The following DDX52 variants were observed in gnomAD, a reference collection of about 807,000 sequenced individuals.
DDX52 encodes probable ATP-dependent RNA helicase DDX52.
Under a neutral mutation model 76.1 loss-of-function variants are expected in DDX52, and 59 were observed. That is an observed-to-expected ratio of 0.78 (90% CI 0.63 to 0.96). The LOEUF is 0.96. DDX52 is among the 40% of genes least tolerant of loss of function. The probability of loss-of-function intolerance (pLI) is 0.00; values close to 1 mark genes in which losing one functional copy is unlikely to be tolerated. For missense variants in DDX52, 707 were observed against 703.9 expected, an observed-to-expected ratio of 1.00 and a Z score of -0.05; for synonymous variants, 231 against 244.1, an observed-to-expected ratio of 0.95 and a Z score of 0.50.
chr17:37,631,097 G>C (rs2030661135), intron 4 of DDX52: 1 of 152,158 alleles, frequency 6.6e-6, no homozygotes, highest in South Asian at 2.1e-4. Context: ...GACTAGTATA[G>C]AGATGAAAAG....
chr17:37,636,189 G>T (rs985016893), intron 2 of DDX52, among the ~76,000 whole-genome samples: 1 of 152,132 alleles, frequency 6.6e-6, no homozygotes, highest in African/African-American at 2.4e-5. Flanking sequence ...AGGCCACAAA[G>T]ATTTTTTTCC....
At chr17:37,620,630 T>C (rs2030032510) in intron 12 of DDX52, 1 of 382,132 alleles carries the variant, frequency 2.6e-6, no homozygotes, top group Non-Finnish European at 4.6e-6. Context: ...GAAAGAGTCC[T>C]GAGTCTGAAA....
chr17:37,619,888 G>C, intron 12 of DDX52, 49 bp from the exon 13 acceptor site: 1 of 1,578,610 alleles, frequency 6.3e-7, no homozygotes, highest in Non-Finnish European at 8.7e-7. Context: ...CTAAATTGAT[G>C]TTTATGAATG....
intron 2 of DDX52, among the ~76,000 whole-genome samples, chr17:37,641,184 C>G (rs1381043933): frequency 6.6e-6 from 1 of 151,802 alleles, no homozygotes; most frequent in African/African-American, 2.4e-5. Context: ...GGGTGGATCA[C>G]AAGGTCAGGA....
intron 12 of DDX52, chr17:37,620,100 C>T (rs2030005649): frequency 2.6e-6 from 1 of 381,014 alleles, no homozygotes; most frequent in African/African-American, 2.1e-5. Flanking sequence ...AACTGGTAAA[C>T]TCAATCTTGG....
At chr17:37,629,706 CTAAGA>C (rs1401750675) in intron 5 of DDX52, among the ~76,000 whole-genome samples, 1 of 151,994 alleles carries the variant, frequency 6.6e-6, no homozygotes, top group Non-Finnish European at 1.5e-5. Context: ...AAAACCAAAA[CTAAGA>C]TGAGTATTCA....
In DDX52 at chr17:37,626,880, T is replaced by A. The variant is rs368820081; in HGVS notation, c.860-20A>T. 5.0e-6 allele frequency: 8 copies of A among 1,595,710 alleles called. No individual in the cohort carries two copies. The Admixed American group carries it at 1.1e-4, about 21-fold the overall frequency. On this transcript the variant is annotated intron_variant, in intron 6 of 14. Transcript: ENST00000617633. ...GAATATCTATAGGAAAAACAAATGG[T>A]AGAAATTGCAAAAACAGGATTTATC... is the stretch of plus-strand genomic sequence containing the variant.
chr17:37,632,040 A>G, intron 4 of DDX52, 73 bp downstream of exon 4: 1 of 1,597,554 alleles, frequency 6.3e-7, no homozygotes, highest in Non-Finnish European at 8.6e-7. Flanking sequence ...AAAGAGTTCA[A>G]GAAGAGAGGG....
rs1289376849 is a variant in DDX52, at chr17:37,618,345, C to T, written c.1689G>A (p.Arg563=). 1 of 1,593,124 alleles carries T rather than the reference C, an allele frequency of 6.3e-7. No homozygotes were observed. Among genetic ancestry groups the T allele is most frequent in the African/African-American group, 1.4e-5 (1 of 73,256 alleles). ...ATTTTGGAGTTGTACTAATGCTCTC[C>T]CTTTCCAATGGTTTCTTAATCATCT... ...KKKMIKKPLE[R]ESISTTPKCF... is the part of the protein sequence containing the mutation. Residue 563 remains arginine, a synonymous_variant, in exon 14 of 15, where the codon AGG becomes AGA. Transcript: ENST00000617633.
At position 37,613,860 on chromosome 17, in the gene DDX52, T is replaced by C. The variant is rs954359256; in HGVS notation, c.*436A>G. ...AAAAGTCCTTAAGAGTTCACCACATTTTGGTGTTATTTTTAGCATAAACAT... is the reference window on the plus strand; with the variant it reads ...AAAAGTCCTTAAGAGTTCACCACATCTTGGTGTTATTTTTAGCATAAACAT... On this transcript the variant is annotated 3_prime_UTR_variant, in exon 15 of 15. Coordinates refer to ENST00000617633, the MANE Select transcript of DDX52 (RefSeq NM_007010.5). 6.5e-6 allele frequency: 1 copy of C among 154,178 alleles called. No homozygotes were observed. Among genetic ancestry groups the C allele is most frequent in the African/African-American group, 2.4e-5 (1 of 41,506 alleles). 9.6% of individuals were successfully genotyped at this position (154,178 alleles called of 1,614,324 possible).
intron 8 of DDX52, among the ~76,000 whole-genome samples, chr17:37,624,879 G>A (rs1220262543): frequency 2.6e-5 from 4 of 151,888 alleles, no homozygotes; most frequent in African/African-American, 7.2e-5. Context: ...AATGTACTGT[G>A]TTGTATCATA....
chr17:37,623,386 C>A (rs1263933349), intron 9 of DDX52, among the ~76,000 whole-genome samples: 3 of 152,100 alleles, frequency 2.0e-5, no homozygotes, highest in Non-Finnish European at 4.4e-5. Flanking sequence ...GATGACGCCA[C>A]CGCACTCCAG....
chr17:37,642,741 C>A (rs1024593101), intron 1 of DDX52: 1 of 196,316 alleles, frequency 5.1e-6, no homozygotes, highest in Non-Finnish European at 1.0e-5. Context: ...AGAAGAAACA[C>A]ATGTCACACG....
intron 14 of DDX52, 81 bp downstream of exon 14, chr17:37,618,210 TA>T (rs2029894880): frequency 2.1e-5 from 23 of 1,116,582 alleles, no homozygotes; most frequent in Non-Finnish European, 2.8e-5. Context: ...ATTCTACTTC[TA>T]AAAATTTACC....
intron 2 of DDX52, among the ~76,000 whole-genome samples, chr17:37,638,949 T>C (rs2031059354): frequency 6.6e-6 from 1 of 151,922 alleles, no homozygotes; most frequent in Non-Finnish European, 1.5e-5. Flanking sequence ...TTTTTATATT[T>C]TTAGTAGAGA....
Position 37,633,337 on chromosome 17 carries a change from C to G in DDX52, c.368G>C (p.Arg123Thr), listed in dbSNP as rs1299081289. 2 of 1,612,042 alleles carry G rather than the reference C, an allele frequency of 1.2e-6. No homozygotes were observed. The highest frequency in any genetic ancestry group is 2.2e-5 in the South Asian group (2 of 90,640). The change falls in exon 3 of 15, where the codon AGA (arginine) becomes ACA (threonine). Residue 123 changes from arginine (R) to threonine (T), a missense_variant. Arg to Thr is a moderately conservative substitution (Grantham distance 71). Transcript: ENST00000617633. The part of the protein sequence containing the change: ...EAKIEDKKVQ[R>T]ESKLTSGKLE... ...CTTTCCGGAAGTTAGTTTACTTTCT[C>G]TCTGAACTTTTTTGTCTTCAATCTT...
In DDX52 at chr17:37,628,671, A is replaced by G. The variant is rs1241261963; in HGVS notation, c.749T>C (p.Ile250Thr). ...ISPTRELASQ[I>T]HRELIKISEG... Reference sequence around the variant, plus strand: ...AGAAATTTTTATTAACTCTCTGTGAATCTAAAAAAAAAAAGATTAAAAACA... The same window carrying G: ...AGAAATTTTTATTAACTCTCTGTGAGTCTAAAAAAAAAAAGATTAAAAACA... Residue 250 changes from isoleucine to threonine, a missense_variant and splice_region_variant, in exon 6 of 15, where the codon ATT becomes ACT. Ile to Thr is a moderately conservative substitution (Grantham distance 89). Coordinates refer to ENST00000617633, the MANE Select transcript of DDX52 (RefSeq NM_007010.5). The G allele has an allele frequency of 6.3e-7, 1 of 1,584,872 alleles. No homozygotes were observed. Among genetic ancestry groups the G allele is most frequent in the Non-Finnish European group, 8.6e-7 (1 of 1,167,600 alleles).
At chr17:37,640,109 T>C (rs540049866) in intron 2 of DDX52, among the ~76,000 whole-genome samples, 1 of 152,344 alleles carries the variant, frequency 6.6e-6, no homozygotes, top group South Asian at 2.1e-4. Context: ...TTCTGGTGGA[T>C]ACATCTATTT....
Position 37,621,258 on chromosome 17 carries a change from C to A in DDX52, c.1370G>T (p.Ser457Ile). 6.2e-7 allele frequency: 1 copy of A among 1,612,744 alleles called. No homozygotes were observed. The highest frequency in any genetic ancestry group is 8.5e-7 in the Non-Finnish European group (1 of 1,179,566). The change falls in exon 11 of 15, where the codon AGT becomes ATT. Residue 457 changes from serine (S) to isoleucine (I), a missense_variant. Physicochemically the swap from Ser to Ile is moderately radical, Grantham distance 142. Transcript: ENST00000617633. ...TQQQRDNTVH[S>I]FRAGKIWVLI... Reference sequence around the variant, plus strand: ...AACCCAGATTTTTCCTGCTCTGAAACTGTGGACTGTGTTATCTCTCTGGTT... The same window carrying A: ...AACCCAGATTTTTCCTGCTCTGAAAATGTGGACTGTGTTATCTCTCTGGTT...
Sources: allele counts gnomAD v4.1 joint callset (sites outside exome capture counted in the v4.1 genomes callset), GRCh38; gene constraint gnomAD v4.1.1; transcripts MANE v1.5; gene names NCBI Gene and HGNC (gene_info 2026-07-23, HGNC 2026-07-21).